The following CCDC6 variants were observed in gnomAD, a reference collection of about 807,000 sequenced individuals.
CCDC6 encodes coiled-coil domain-containing protein 6.
Under a neutral mutation model 56.6 loss-of-function variants are expected in CCDC6, and 20 were observed. The ratio of observed to expected loss-of-function variants is 0.35; its 90% confidence interval spans 0.25 to 0.51. The LOEUF is 0.51. CCDC6 is among the 20% of genes least tolerant of loss of function. The probability of loss-of-function intolerance (pLI) is 0.95; values close to 1 mark genes in which losing one functional copy is unlikely to be tolerated. For missense variants in CCDC6, 367 were observed against 601.1 expected, an observed-to-expected ratio of 0.61 and a Z score of 4.07; for synonymous variants, 241 against 234.4, an observed-to-expected ratio of 1.03 and a Z score of -0.26.
Position 59,792,990 on chromosome 10 carries a change from G to T in CCDC6, c.1352C>A (p.Pro451His). The T allele has an allele frequency of 6.2e-7, 1 of 1,613,340 alleles. No homozygotes were observed. Among genetic ancestry groups the T allele is most frequent in the Non-Finnish European group, 8.5e-7 (1 of 1,179,424 alleles). ...CGAGGTGGCTGCTGAGGGGACCGTG[G>T]GCTGCATGGGTGGCGGAGGTGGAGG... ...PPPPPPPPMQ[P>H]TVPSAATSQP... Residue 451 changes from proline (P) to histidine (H), a missense_variant, in exon 9 of 9, where the codon CCC becomes CAC. Pro to His is a moderately conservative substitution (Grantham distance 77). Coordinates refer to ENST00000263102, the MANE Select transcript of CCDC6 (RefSeq NM_005436.5).
intron 3 of CCDC6, among the ~76,000 whole-genome samples, chr10:59,826,878 A>G (rs2132640517): frequency 6.6e-6 from 1 of 152,332 alleles, no homozygotes; most frequent in South Asian, 2.1e-4. Flanking sequence ...ATTTTTCAGT[A>G]TAAATGGCAG....
chr10:59,865,044 G>C (rs2132664340), intron 1 of CCDC6, among the ~76,000 whole-genome samples: 1 of 152,276 alleles, frequency 6.6e-6, no homozygotes, highest in Non-Finnish European at 1.5e-5. Flanking sequence ...AAGCTACTGG[G>C]GAAGTTCTTC....
chr10:59,863,507 CATATTT>C (rs974230842), intron 1 of CCDC6, among the ~76,000 whole-genome samples: 14 of 148,728 alleles, frequency 9.4e-5, no homozygotes, highest in Admixed American at 7.3e-4. Flanking sequence ...CCAGAATGGG[CATATTT>C]ATAAAGACAG....
rs1245177097 is a variant in CCDC6 at position 59,790,401 on chromosome 10, G to A, written c.*2516C>T. 1 of 217,246 alleles carries A rather than the reference G, an allele frequency of 4.6e-6. No individual in the cohort carries two copies. The highest frequency in any genetic ancestry group is 2.3e-5 in the African/African-American group (1 of 44,338). The allele number at this position is 217,246 out of a possible 1,614,324, so 13.5% of individuals were successfully genotyped here. A position where few individuals can be genotyped will look rare whatever the true frequency, so the allele number is the denominator to read the frequency against. On this transcript the variant is annotated 3_prime_UTR_variant, in exon 9 of 9. Coordinates refer to ENST00000263102, the MANE Select transcript of CCDC6 (RefSeq NM_005436.5). The stretch of plus-strand genomic sequence containing the variant: ...ACCATGTTCAGCCCCCATGAGAAGT[G>A]CCCGACTGAGGGAAGTCAGCTTCCC...
intron 1 of CCDC6, among the ~76,000 whole-genome samples, chr10:59,902,702 G>A (rs190005374): frequency 2.0e-4 from 31 of 152,188 alleles, no homozygotes; most frequent in African/African-American, 5.3e-4. Context: ...GCCCGGCCCC[G>A]CCAAAGCAAC....
chr10:59,856,361 A>G (rs959027726), intron 1 of CCDC6, among the ~76,000 whole-genome samples: 2 of 143,462 alleles, frequency 1.4e-5, no homozygotes, highest in African/African-American at 5.2e-5. Context: ...AAAAAAAAAA[A>G]ATTAAATGGA....
chr10:59,885,150 G>A (rs941320251), intron 1 of CCDC6, among the ~76,000 whole-genome samples: 22 of 152,088 alleles, frequency 1.4e-4, no homozygotes, highest in Admixed American at 1.4e-3. Context: ...CAGAGAATAC[G>A]TGTGAATCAG....
chr10:59,876,102 C>A (rs948551959), intron 1 of CCDC6, among the ~76,000 whole-genome samples: 3 of 53,494 alleles, frequency 5.6e-5, no homozygotes, highest in African/African-American at 2.5e-4. Flanking sequence ...CAGATCGAGT[C>A]TCGTTCTATC....
chr10:59,886,410 CAGG>C (rs2132679182), intron 1 of CCDC6, among the ~76,000 whole-genome samples: 1 of 152,162 alleles, frequency 6.6e-6, no homozygotes, highest in Admixed American at 6.5e-5. Flanking sequence ...AAAAAGACAC[CAGG>C]AGATGTATCT....
At chr10:59,890,132 G>A (rs970083522) in intron 1 of CCDC6, among the ~76,000 whole-genome samples, 34 of 152,312 alleles carry the variant, frequency 2.2e-4, no homozygotes, top group African/African-American at 7.7e-4. Context: ...GTCCCACAGA[G>A]AAGGCAAGGC....
chr10:59,872,477 T>C (rs1360577130), intron 1 of CCDC6, among the ~76,000 whole-genome samples: 2 of 152,216 alleles, frequency 1.3e-5, no homozygotes, highest in Non-Finnish European at 2.9e-5. Context: ...TCCTTGCTCG[T>C]GCGAAGGTGT....
intron 5 of CCDC6, among the ~76,000 whole-genome samples, chr10:59,809,361 C>T (rs950949781): frequency 6.6e-6 from 1 of 152,196 alleles, no homozygotes; most frequent in African/African-American, 2.4e-5. Flanking sequence ...CATCGGGGAA[C>T]TCAGCAGGGG....
chr10:59,839,463 A>C (rs1391776240), intron 2 of CCDC6, among the ~76,000 whole-genome samples: 1 of 152,238 alleles, frequency 6.6e-6, no homozygotes, highest in Non-Finnish European at 1.5e-5. Flanking sequence ...TAAGCAAAAC[A>C]ACGGTTGGGG....
In CCDC6 at chr10:59,804,413, T is replaced by C; in HGVS notation, c.1105+7A>G. 6.4e-7 allele frequency: 1 copy of C among 1,569,952 alleles called. No individual in the cohort carries two copies. The highest frequency in any genetic ancestry group is 8.8e-7 in the Non-Finnish European group (1 of 1,139,694). Reference sequence around the variant, plus strand: ...AGTCACTGAAATAGCCAAAGACATATGCTCACCAGGTGATATAGGCCTGCT... The same window carrying C: ...AGTCACTGAAATAGCCAAAGACATACGCTCACCAGGTGATATAGGCCTGCT... On this transcript the variant is annotated splice_region_variant and intron_variant, in intron 7 of 8. Coordinates refer to ENST00000263102, the MANE Select transcript of CCDC6 (RefSeq NM_005436.5).
intron 1 of CCDC6, among the ~76,000 whole-genome samples, chr10:59,883,216 C>G (rs188602047): frequency 1.8e-4 from 27 of 152,176 alleles, no homozygotes; most frequent in Non-Finnish European, 2.9e-5. Flanking sequence ...TGTGTCTTTG[C>G]AATAAGCAGA....
intron 1 of CCDC6, among the ~76,000 whole-genome samples, chr10:59,867,736 T>C (rs1183728430): frequency 6.6e-6 from 1 of 152,138 alleles, no homozygotes; most frequent in East Asian, 1.9e-4. Context: ...GTATTATTAT[T>C]ATCACTATTT....
At chr10:59,854,232 A>C (rs1168207108) in intron 1 of CCDC6, among the ~76,000 whole-genome samples, 1 of 152,136 alleles carries the variant, frequency 6.6e-6, no homozygotes, top group Non-Finnish European at 1.5e-5. Context: ...ATTTCTGTAT[A>C]TACTCACCAG....
intron 1 of CCDC6, among the ~76,000 whole-genome samples, chr10:59,904,197 A>G (rs927394305): frequency 1.3e-5 from 2 of 152,232 alleles, no homozygotes; most frequent in African/African-American, 2.4e-5. Context: ...AGTGTAGTTA[A>G]GGGTAAGTGC....
intron 2 of CCDC6, among the ~76,000 whole-genome samples, chr10:59,840,192 T>A (rs540078176): frequency 2.9e-4 from 44 of 152,306 alleles, no homozygotes; most frequent in African/African-American, 9.1e-4. Context: ...CACAGGTACA[T>A]GTAATATGAT....
Sources: gnomAD v4.1 joint callset for allele counts (sites outside exome capture counted in the v4.1 genomes callset) on GRCh38, gnomAD v4.1.1 for gene constraint, MANE v1.5 for transcripts, NCBI Gene and HGNC (gene_info 2026-07-23, HGNC 2026-07-21) for gene names.